VEPH1: variants seen among roughly 807,000 people sequenced by gnomAD.
VEPH1 encodes ventricular zone-expressed PH domain-containing protein homolog 1.
VEPH1 carries 80 observed loss-of-function variants against 85.2 expected under a neutral mutation model. The observed-to-expected ratio is 0.94, with a 90% CI of 0.78 to 1.13. The LOEUF is 1.13. VEPH1 is among the 50% of genes most tolerant of loss of function. VEPH1 has a pLI of 0.00. For synonymous variants in VEPH1, 297 were observed against 348.0 expected, an observed-to-expected ratio of 0.85 and a Z score of 1.63; for missense variants, 955 against 980.5, an observed-to-expected ratio of 0.97 and a Z score of 0.35.
intron 11 of VEPH1, among the ~76,000 whole-genome samples, chr3:157,304,038 T>TATATATATATACACACACACAC: frequency 6.2e-5 from 6 of 96,908 alleles, no homozygotes; most frequent in Admixed American, 1.4e-4. Flanking sequence ...TATATATATA[T>TATATATATATACACACACACAC]ACACACATAC....
chr3:157,453,215 C>A (rs17391399), intron 4 of VEPH1, among the ~76,000 whole-genome samples: 62,337 of 151,992 alleles, frequency 0.41, 13,158 homozygotes, highest in African/African-American at 0.49. Flanking sequence ...TTTGGGACAC[C>A]ATTGAGCCCT....
intron 4 of VEPH1, among the ~76,000 whole-genome samples, chr3:157,455,941 C>A (rs747895400): frequency 3.3e-5 from 5 of 152,058 alleles, no homozygotes; most frequent in Non-Finnish European, 7.4e-5. Flanking sequence ...GGGTATATAC[C>A]CAGTAATGGG....
chr3:157,429,330 C>G (rs1732972763), intron 4 of VEPH1, among the ~76,000 whole-genome samples: 1 of 151,946 alleles, frequency 6.6e-6, no homozygotes, highest in Non-Finnish European at 1.5e-5. Context: ...ATATAGAAGC[C>G]ATACACAGAA....
chr3:157,281,535 GTTTTCTTTTTTTT>G (rs1170776049), intron 12 of VEPH1, among the ~76,000 whole-genome samples: 1 of 151,114 alleles, frequency 6.6e-6, no homozygotes, highest in Non-Finnish European at 1.5e-5. Flanking sequence ...TCAAAATCGA[GTTTTCTTTTTTTT>G]TTTTCTTTTG....
chr3:157,271,994 A>G (rs1282674066), intron 12 of VEPH1, among the ~76,000 whole-genome samples: 1 of 152,258 alleles, frequency 6.6e-6, no homozygotes, highest in African/African-American at 2.4e-5. Flanking sequence ...TGGGAATTTA[A>G]CCATGTTGAT....
intron 4 of VEPH1, among the ~76,000 whole-genome samples, chr3:157,453,241 G>A (rs1735114932): frequency 1.3e-5 from 2 of 152,196 alleles, no homozygotes; most frequent in South Asian, 4.1e-4. Flanking sequence ...AACCATCTGG[G>A]AAGTCTGGTA....
chr3:157,479,433 C>T (rs1332619437), intron 2 of VEPH1, among the ~76,000 whole-genome samples: 2 of 152,162 alleles, frequency 1.3e-5, no homozygotes, highest in Non-Finnish European at 2.9e-5. Context: ...AACACACCTC[C>T]GCTTCAGCAT....
intron 9 of VEPH1, among the ~76,000 whole-genome samples, chr3:157,349,286 T>C (rs1337007621): frequency 3.9e-5 from 6 of 152,206 alleles, no homozygotes; most frequent in Non-Finnish European, 5.9e-5. Flanking sequence ...AAAAACCAGA[T>C]GATTATTTCA....
At chr3:157,496,332 T>C (rs886462383) in intron 1 of VEPH1, among the ~76,000 whole-genome samples, 2 of 152,234 alleles carry the variant, frequency 1.3e-5, no homozygotes, top group Admixed American at 1.3e-4. Flanking sequence ...AGCTCCCTTC[T>C]GGGCCTAATA....
At chr3:157,346,228 T>G (rs1398204605) in intron 9 of VEPH1, among the ~76,000 whole-genome samples, 2 of 152,196 alleles carry the variant, frequency 1.3e-5, no homozygotes, top group Admixed American at 1.3e-4. Flanking sequence ...CTCTTCTTAA[T>G]ATCTCCAAAG....
chr3:157,324,485 C>G (rs1721676100), intron 9 of VEPH1, among the ~76,000 whole-genome samples: 1 of 152,270 alleles, frequency 6.6e-6, no homozygotes, highest in African/African-American at 2.4e-5. Flanking sequence ...TCCTGATGCT[C>G]TCTCTCCTCC....
chr3:157,497,819 A>T (rs1422400524), intron 1 of VEPH1, among the ~76,000 whole-genome samples: 1 of 152,178 alleles, frequency 6.6e-6, no homozygotes, highest in Non-Finnish European at 1.5e-5. Flanking sequence ...CATGCAAAAC[A>T]TTGCTTTGGG....
At chr3:157,502,446 A>G (rs1740192597) in intron 1 of VEPH1, among the ~76,000 whole-genome samples, 1 of 152,190 alleles carries the variant, frequency 6.6e-6, no homozygotes, top group African/African-American at 2.4e-5. Flanking sequence ...TCACCTGTAA[A>G]TGTTGACTTT....
At chr3:157,291,514 G>C (rs886765636) in intron 11 of VEPH1, among the ~76,000 whole-genome samples, 4 of 152,184 alleles carry the variant, frequency 2.6e-5, no homozygotes, top group African/African-American at 9.7e-5. Context: ...AGTATTCATA[G>C]CACCTGGTAT....
At chr3:157,322,460 C>T (rs1388020574) in intron 9 of VEPH1, among the ~76,000 whole-genome samples, 2 of 152,092 alleles carry the variant, frequency 1.3e-5, no homozygotes, top group East Asian at 3.8e-4. Context: ...GATTTAAATT[C>T]TTTTTGGTAT....
Position 157,340,108 on chromosome 3 carries a change from C to T in VEPH1, c.1736-22907G>A, listed in dbSNP as rs536527209. 5.9e-5 allele frequency among the ~76,000 whole-genome samples: 9 copies of T among 152,258 alleles called. No homozygotes were observed. The South Asian group carries it at 6.2e-4, about 11-fold the overall frequency. On this transcript the variant is annotated intron_variant, in intron 9 of 13. Coordinates refer to ENST00000362010, the MANE Select transcript of VEPH1 (RefSeq NM_001167912.2). ...CTCCCAGCGTGAGCGACGCAGAAGA[C>T]GGGTGATTTCTGCATTTCCAACTGA...
chr3:157,454,436 G>T (rs1325230173), intron 4 of VEPH1, among the ~76,000 whole-genome samples: 1 of 152,146 alleles, frequency 6.6e-6, no homozygotes, highest in Non-Finnish European at 1.5e-5. Context: ...CCCACCTTAG[G>T]AATGTCTGGT....
At chr3:157,478,059 T>A (rs1176061808) in intron 2 of VEPH1, among the ~76,000 whole-genome samples, 1 of 152,198 alleles carries the variant, frequency 6.6e-6, no homozygotes, top group African/African-American at 2.4e-5. Context: ...TAGGTACTCA[T>A]TCTCTCAGCT....
At chr3:157,476,772 G>A (rs1399903923) in intron 2 of VEPH1, among the ~76,000 whole-genome samples, 3 of 152,214 alleles carry the variant, frequency 2.0e-5, no homozygotes, top group Non-Finnish European at 4.4e-5. Context: ...AACCTGGCAG[G>A]AGTAATTAGC....
Sources: allele counts gnomAD v4.1 joint callset (sites outside exome capture counted in the v4.1 genomes callset), GRCh38; gene constraint gnomAD v4.1.1; transcripts MANE v1.5; gene names NCBI Gene and HGNC (gene_info 2026-07-23, HGNC 2026-07-21).